HECTD4: variants seen among roughly 807,000 people sequenced by gnomAD.
HECTD4 encodes the protein HECT domain E3 ubiquitin protein ligase 4, also known as probable E3 ubiquitin-protein ligase HECTD4.
A neutral mutation model predicts 471.5 loss-of-function variants in HECTD4; 114 were observed. The observed-to-expected ratio is 0.24, with a 90% confidence interval of 0.21 to 0.28. HECTD4 has a LOEUF of 0.28. Ranked by LOEUF, HECTD4 falls within the 10% of genes least tolerant of loss-of-function variation. The pLI is 1.00. For missense variants in HECTD4, 3,866 were observed against 5,651.5 expected, an observed-to-expected ratio of 0.68 and a Z score of 10.13; for synonymous variants, 2,012 against 2,256.0, an observed-to-expected ratio of 0.89 and a Z score of 3.07.
chr12:112,370,580 G>A (rs1039535487), intron 1 of HECTD4, among the ~76,000 whole-genome samples: 10 of 151,878 alleles, frequency 6.6e-5, no homozygotes, highest in Non-Finnish European at 1.5e-4. Context: ...ACATCTTTAT[G>A]TAAAAAAGAA....
intron 52 of HECTD4, among the ~76,000 whole-genome samples, chr12:112,206,533 C>CTT (rs60701313): frequency 1.7e-3 from 189 of 111,462 alleles, no homozygotes; most frequent in South Asian, 2.7e-3. Context: ...ATAGAATCTG[C>CTT]TTTTTTTTTT....
chr12:112,240,569 C>T (rs1264881306), intron 32 of HECTD4, among the ~76,000 whole-genome samples: 1 of 151,994 alleles, frequency 6.6e-6, no homozygotes, highest in African/African-American at 2.4e-5. Context: ...CCCACCTCTG[C>T]CTCCCAAGTA....
chr12:112,195,831 C>T (rs896281875), intron 55 of HECTD4, among the ~76,000 whole-genome samples: 1 of 152,128 alleles, frequency 6.6e-6, no homozygotes, highest in African/African-American at 2.4e-5. Context: ...GTAAAGTGAT[C>T]GGCATTCAAC....
chr12:112,375,589 A>G (rs1178028677), intron 1 of HECTD4, among the ~76,000 whole-genome samples: 1 of 152,154 alleles, frequency 6.6e-6, no homozygotes, highest in Non-Finnish European at 1.5e-5. Flanking sequence ...ATGGAATAGG[A>G]AGCAGAATGC....
chr12:112,377,275 A>T (rs547705090), intron 1 of HECTD4, among the ~76,000 whole-genome samples: 3 of 152,024 alleles, frequency 2.0e-5, no homozygotes, highest in South Asian at 2.1e-4. Flanking sequence ...ACTCTAATAA[A>T]AAAAAAAAAT....
chr12:112,219,009 C>T (rs1024262657), intron 45 of HECTD4, among the ~76,000 whole-genome samples: 2 of 152,112 alleles, frequency 1.3e-5, no homozygotes, highest in African/African-American at 2.4e-5. Flanking sequence ...GTTGGGATTA[C>T]AGGCGTGAGC....
Position 112,167,913 on chromosome 12 carries a change from G to A in HECTD4, c.12213C>T (p.Gly4071=), listed in dbSNP as rs1036645558. Residue 4071 remains glycine (G), a synonymous_variant, in exon 71 of 76, where the codon GGC becomes GGT. Coordinates refer to ENST00000682272, the MANE Select transcript of HECTD4 (RefSeq NM_001388303.1). ...FTGEEVHGTS[G]SFRHFLWQVC... ...CCTGCCACAGGAAGTGGCGGAAAGA[G>A]CCGCCTGTAGGACAGACGAGACACA... 2.5e-6 allele frequency: 4 copies of A among 1,612,694 alleles called. No individual in the cohort carries two copies. The highest frequency in any genetic ancestry group is 3.4e-6 in the Non-Finnish European group (4 of 1,179,632).
chr12:112,163,317 G>T lies in HECTD4; in HGVS notation c.12898-53C>A. On this transcript the variant is annotated intron_variant, in intron 74 of 75. Coordinates refer to ENST00000682272, the MANE Select transcript of HECTD4 (RefSeq NM_001388303.1). The surrounding 1 kb of genome is among the most constrained non-coding windows in gnomAD (Gnocchi z 8.2). ...AGCCCTGGAGCCCCACCTACCCAGT[G>T]CCTCCCCAGCCCTGGGGTCTGCAGG... 1 of 1,511,536 alleles carries T rather than the reference G, an allele frequency of 6.6e-7. No individual in the cohort carries two copies. The highest frequency in any genetic ancestry group is 9.0e-7 in the Non-Finnish European group (1 of 1,107,838). 93.6% of individuals were successfully genotyped at this position (1,511,536 alleles called of 1,614,324 possible).
At chr12:112,253,960 TG>T (rs1313314253) in intron 22 of HECTD4, 82 bp downstream of exon 22, 1 of 1,479,658 alleles carries the variant, frequency 6.8e-7, no homozygotes, top group Non-Finnish European at 9.2e-7. Context: ...AATGTTTTTC[TG>T]GGATTACAGT....
At chr12:112,169,382 G>T in intron 70 of HECTD4, 121 bp downstream of exon 70, 1 of 1,143,174 alleles carries the variant, frequency 8.7e-7, no homozygotes, top group Non-Finnish European at 1.2e-6. Flanking sequence ...CCTGGCTTCT[G>T]CAGCACAAGT....
At chr12:112,231,235 CAG>C (rs1035335556) in intron 39 of HECTD4, 23 of 494,234 alleles carry the variant, frequency 4.7e-5, no homozygotes, top group South Asian at 7.5e-5. Flanking sequence ...GTAGCAAGAC[CAG>C]AGTTTATTAA....
At chr12:112,207,641 C>T (rs1378378235) in intron 52 of HECTD4, among the ~76,000 whole-genome samples, 1 of 152,132 alleles carries the variant, frequency 6.6e-6, no homozygotes, top group Non-Finnish European at 1.5e-5. Context: ...AGTATAACCA[C>T]TCCAGCTTCA....
chr12:112,250,331 TA>T lies in HECTD4; in HGVS notation c.3762del (p.Thr1255LeufsTer9). 2 of 1,613,808 alleles carry T rather than the reference TA, an allele frequency of 1.2e-6. No individual in the cohort carries two copies. The highest frequency in any genetic ancestry group is 1.7e-6 in the Non-Finnish European group (2 of 1,179,842). On this transcript the variant is annotated frameshift_variant, in exon 25 of 76. Coordinates refer to ENST00000682272, the MANE Select transcript of HECTD4 (RefSeq NM_001388303.1). LOFTEE classifies it high-confidence loss of function. ...AGAGGCAGTGGAGAGGGGCTCGGAG[TA>T]AGGGCAGGGGAGATCACGCCATTGG... ...VEANGVISPA[L>X]TPSPSPLPLT...
In HECTD4 at chr12:112,270,304, T is replaced by C. The variant is rs758421207; in HGVS notation, c.2098A>G (p.Ser700Gly). ...GCCTTCTCCATAATGTCACAAATAC[T>C]GCTAAGATGATGTGCTTCAATTGGA... ...QHPIEAHHLSSICDIMEKAMV... is the reference protein window; with the variant it reads ...QHPIEAHHLSGICDIMEKAMV... Residue 700 changes from serine (S) to glycine (G), a missense_variant, in exon 12 of 76, where the codon AGT becomes GGT. This residue lies in a region of HECTD4 where 525 missense variants were observed against 672.6 expected (regional missense o/e 0.78). Coordinates refer to ENST00000682272, the MANE Select transcript of HECTD4 (RefSeq NM_001388303.1). 7.4e-6 allele frequency: 12 copies of C among 1,614,058 alleles called. No individual in the cohort carries two copies. Among genetic ancestry groups the C allele is most frequent in the South Asian group, 1.1e-5 (1 of 91,090 alleles).
intron 66 of HECTD4, 103 bp downstream of exon 66, chr12:112,175,633 C>G: frequency 7.6e-7 from 1 of 1,320,026 alleles, no homozygotes; most frequent in South Asian, 1.3e-5. Context: ...ACTCAGAAAG[C>G]ATTATCAACA....
chr12:112,239,997 G>T lies in HECTD4; in HGVS notation c.4989C>A (p.Val1663=). 1.2e-6 allele frequency: 2 copies of T among 1,613,924 alleles called. No individual in the cohort carries two copies. Among genetic ancestry groups the T allele is most frequent in the African/African-American group, 1.3e-5 (1 of 75,032 alleles). The change falls in exon 33 of 76, where the codon GTC becomes GTA. Residue 1663 remains valine (V), a synonymous_variant. Transcript: ENST00000682272. The surrounding 1 kb of genome is among the most constrained non-coding windows in gnomAD (Gnocchi z 4.9). ...RIEELTCGGM[V]EQVQEAFGET... ...CGCCAAAGGCTTCCTGGACCTGCTCGACCATCCCACCACATGTGAGTTCTT... is the reference window on the plus strand; with the variant it reads ...CGCCAAAGGCTTCCTGGACCTGCTCTACCATCCCACCACATGTGAGTTCTT...
At chr12:112,245,240 C>T (rs1261887268) in intron 29 of HECTD4, among the ~76,000 whole-genome samples, 4 of 152,122 alleles carry the variant, frequency 2.6e-5, no homozygotes, top group Non-Finnish European at 4.4e-5. Context: ...CTGGTGTAAG[C>T]GATCCTCCTG....
At chr12:112,288,552 G>A (rs1359943085) in intron 7 of HECTD4, among the ~76,000 whole-genome samples, 4 of 152,090 alleles carry the variant, frequency 2.6e-5, no homozygotes, top group South Asian at 2.1e-4. Context: ...AGCCCAGAGT[G>A]GGGAGTTTGC....
At chr12:112,202,948 TTTTC>T (rs2032470067) in intron 54 of HECTD4, 1 of 152,114 alleles carries the variant, frequency 6.6e-6, no homozygotes, top group Non-Finnish European at 1.5e-5. Flanking sequence ...GACAAAACTT[TTTTC>T]TTTTTTTTTT....
Sources: gnomAD v4.1 joint callset for allele counts (sites outside exome capture counted in the v4.1 genomes callset) on GRCh38, gnomAD v4.1.1 for gene constraint, gnomAD v4.1.1 regional missense constraint, Gnocchi (gnomAD v3.1) non-coding constraint, MANE v1.5 for transcripts, NCBI Gene and HGNC (gene_info 2026-07-23, HGNC 2026-07-21) for gene names.